The following ABLIM1 variants were observed in gnomAD, a reference collection of about 807,000 sequenced individuals.
The protein encoded by ABLIM1 is actin-binding LIM protein 1.
ABLIM1 carries 40 observed loss-of-function variants against 107.0 expected under a neutral mutation model. The observed-to-expected ratio is 0.37, with a 90% CI of 0.29 to 0.49. The LOEUF (loss-of-function observed/expected upper bound fraction) is 0.49. Among genes scored for constraint, ABLIM1 ranks in the 20% least tolerant of loss-of-function variants. The pLI, the probability that ABLIM1 is intolerant of heterozygous loss-of-function variation, is 0.97. For synonymous variants in ABLIM1, 357 were observed against 357.3 expected, an observed-to-expected ratio of 1.00 and a Z score of 0.01; for missense variants, 857 against 1,008.5, an observed-to-expected ratio of 0.85 and a Z score of 2.04.
intron 1 of ABLIM1, among the ~76,000 whole-genome samples, chr10:114,749,197 T>A (rs964184294): frequency 2.6e-5 from 4 of 152,170 alleles, no homozygotes; most frequent in Admixed American, 2.6e-4. Flanking sequence ...ACTTCGCAGC[T>A]TTTCCTTTCT....
At chr10:114,572,395 T>C (rs1163122890) in intron 3 of ABLIM1, among the ~76,000 whole-genome samples, 2 of 152,236 alleles carry the variant, frequency 1.3e-5, no homozygotes, top group Non-Finnish European at 2.9e-5. Flanking sequence ...AGCCTAACAA[T>C]TGGCAATTAA....
At chr10:114,443,150 C>T (rs1193470698) in intron 17 of ABLIM1, among the ~76,000 whole-genome samples, 1 of 152,054 alleles carries the variant, frequency 6.6e-6, no homozygotes, top group Non-Finnish European at 1.5e-5. Context: ...TGCTCTAGCT[C>T]AGAATATGAG....
In ABLIM1 at chr10:114,489,694, GC is replaced by G. The variant is rs571792564; in HGVS notation, c.983-1679del. On this transcript the variant is annotated intron_variant, in intron 7 of 22. Coordinates refer to ENST00000533213, the MANE Select transcript of ABLIM1 (RefSeq NM_002313.7). The stretch of plus-strand genomic sequence containing the variant: ...AGGTTCTGCTGAGCAGGAGTCACTG[GC>G]CAGGACACCGGGTCTGCGCACAATG... 4.1e-4 allele frequency among the ~76,000 whole-genome samples: 62 copies of G among 152,270 alleles called. No homozygotes were observed. The South Asian group carries it at 0.012, about 30-fold the overall frequency.
intron 6 of ABLIM1, among the ~76,000 whole-genome samples, chr10:114,512,031 A>G (rs2061943977): frequency 6.6e-6 from 1 of 152,148 alleles, no homozygotes; most frequent in South Asian, 2.1e-4. Context: ...AGACAAGTCA[A>G]TTTCCTTCTG....
intron 1 of ABLIM1, among the ~76,000 whole-genome samples, chr10:114,668,131 G>A (rs1483714848): frequency 1.3e-5 from 2 of 152,064 alleles, no homozygotes; most frequent in Non-Finnish European, 2.9e-5. Flanking sequence ...GGAATCCATT[G>A]GAAGAGCTGT....
chr10:114,700,178 T>G (rs891941703), intron 1 of ABLIM1, among the ~76,000 whole-genome samples: 1 of 152,174 alleles, frequency 6.6e-6, no homozygotes, highest in Non-Finnish European at 1.5e-5. Flanking sequence ...AGTTAATTCA[T>G]TACATATGAA....
chr10:114,479,186 G>A (rs1193394447), intron 8 of ABLIM1, among the ~76,000 whole-genome samples: 2 of 152,192 alleles, frequency 1.3e-5, no homozygotes, highest in Non-Finnish European at 2.9e-5. Flanking sequence ...ATGAGAGGAT[G>A]CATATAAAGC....
chr10:114,601,954 G>A lies in ABLIM1; in HGVS notation c.252C>T (p.His84=). ...VCNSVDPFVA[H]PQDPHHPSEK... ...CTGATGGGTGGTGAGGGTCCTGAGGGTGGGCCACTGAAAGAAAATCAACAA... is the reference window on the plus strand; with the variant it reads ...CTGATGGGTGGTGAGGGTCCTGAGGATGGGCCACTGAAAGAAAATCAACAA... Residue 84 remains histidine (H), a synonymous_variant, in exon 2 of 23, where the codon CAC becomes CAT. Transcript: ENST00000533213. 6.2e-7 allele frequency: 1 copy of A among 1,613,912 alleles called. No individual in the cohort carries two copies. The highest frequency in any genetic ancestry group is 8.5e-7 in the Non-Finnish European group (1 of 1,179,784).
At chr10:114,533,819 G>A (rs943956742) in intron 6 of ABLIM1, among the ~76,000 whole-genome samples, 1 of 152,110 alleles carries the variant, frequency 6.6e-6, no homozygotes, top group African/African-American at 2.4e-5. Context: ...TGGGACTATA[G>A]ACCCTCACCA....
chr10:114,443,205 A>C (rs914473368), intron 17 of ABLIM1, among the ~76,000 whole-genome samples: 3 of 152,272 alleles, frequency 2.0e-5, no homozygotes, highest in Non-Finnish European at 4.4e-5. Flanking sequence ...TATGACAAAT[A>C]GATACAGGGG....
At chr10:114,671,088 A>C (rs982432015) in intron 1 of ABLIM1, among the ~76,000 whole-genome samples, 2 of 152,154 alleles carry the variant, frequency 1.3e-5, no homozygotes, top group Non-Finnish European at 2.9e-5. Context: ...TTTTCCAGTC[A>C]ATACTGCATC....
chr10:114,657,909 C>T (rs922369767), intron 1 of ABLIM1, 48 bp downstream of exon 1: 29 of 1,491,654 alleles, frequency 1.9e-5, no homozygotes, highest in Non-Finnish European at 2.6e-5. Context: ...CTTAATTACG[C>T]CAATCACAAA....
At chr10:114,441,496 C>T (rs935543999) in intron 18 of ABLIM1, among the ~76,000 whole-genome samples, 9 of 152,184 alleles carry the variant, frequency 5.9e-5, no homozygotes, top group Non-Finnish European at 2.9e-5. Context: ...CATAATCATA[C>T]ACAAGCCATT....
the ABLIM1 span, among the ~76,000 whole-genome samples, chr10:114,787,757 A>C: frequency 6.5e-4 from 29 of 44,350 alleles, no homozygotes; most frequent in South Asian, 1.7e-3. Flanking sequence ...AGGTGAGGGG[A>C]GCCTCTGCCC....
chr10:114,572,444 C>A (rs1488565569), intron 3 of ABLIM1, among the ~76,000 whole-genome samples: 1 of 152,130 alleles, frequency 6.6e-6, no homozygotes, highest in African/African-American at 2.4e-5. Context: ...GGAGTTAACC[C>A]CACAAATGTG....
chr10:114,787,468 C>A, the ABLIM1 span, among the ~76,000 whole-genome samples: 1 of 149,646 alleles, frequency 6.7e-6, no homozygotes. Context: ...CTCTGCCCAG[C>A]CGCCCCTACT....
chr10:114,503,485 T>C (rs1358653385), intron 6 of ABLIM1, among the ~76,000 whole-genome samples: 22 of 152,184 alleles, frequency 1.4e-4, no homozygotes, highest in Admixed American at 1.0e-3. Context: ...CTGTACTGAA[T>C]AGTGTTGCTA....
chr10:114,526,881 C>A (rs969094291), intron 6 of ABLIM1: 1 of 985,398 alleles, frequency 1.0e-6, no homozygotes, highest in South Asian at 4.7e-5. Context: ...CGGAAACCAG[C>A]CCCGTGTGCG....
chr10:114,719,385 T>C (rs1365583572), intron 1 of ABLIM1, among the ~76,000 whole-genome samples: 1 of 152,200 alleles, frequency 6.6e-6, no homozygotes, highest in East Asian at 1.9e-4. Flanking sequence ...AAGGACCTTG[T>C]CCAGGGTTAC....
Sources: gnomAD v4.1 joint callset for allele counts (sites outside exome capture counted in the v4.1 genomes callset) on GRCh38, gnomAD v4.1.1 for gene constraint, MANE v1.5 for transcripts, NCBI Gene and HGNC (gene_info 2026-07-23, HGNC 2026-07-21) for gene names.